The following OXR1 variants were observed in gnomAD, a reference collection of about 807,000 sequenced individuals.
OXR1 encodes the protein oxidation resistance protein 1.
Under a neutral mutation model 104.6 loss-of-function variants are expected in OXR1, and 41 were observed. The observed-to-expected ratio is 0.39, with a 90% confidence interval of 0.31 to 0.51. The LOEUF (loss-of-function observed/expected upper bound fraction) is 0.51, where lower values mean the gene tolerates loss of function less well. Among genes scored for constraint, OXR1 ranks in the 20% least tolerant of loss-of-function variants. The probability of loss-of-function intolerance (pLI) is 0.77; values close to 1 mark genes in which losing one functional copy is unlikely to be tolerated. For synonymous variants in OXR1, 348 were observed against 348.4 expected (o/e 1.00, Z 0.01); for missense variants, 955 against 1,031.9 (o/e 0.93, Z 1.02).
chr8:106,729,425 A>G (rs1296595195), intron 11 of OXR1, among the ~76,000 whole-genome samples: 1 of 152,086 alleles, frequency 6.6e-6, no homozygotes, highest in African/African-American at 2.4e-5. Flanking sequence ...TTTATTTCTC[A>G]TAAAATGTAA....
intron 3 of OXR1, among the ~76,000 whole-genome samples, chr8:106,538,788 A>C (rs1186981002): frequency 2.0e-5 from 3 of 152,252 alleles, no homozygotes; most frequent in Non-Finnish European, 4.4e-5. Flanking sequence ...CAGTAAAACA[A>C]AGTTAAAGTT....
intron 2 of OXR1, among the ~76,000 whole-genome samples, chr8:106,463,651 T>A (rs1484627433): frequency 6.6e-6 from 1 of 152,144 alleles, no homozygotes; most frequent in African/African-American, 2.4e-5. Flanking sequence ...TGTATCAGTC[T>A]GTCTTGATTC....
chr8:106,453,215 G>T (rs1431368754), intron 2 of OXR1, among the ~76,000 whole-genome samples: 1 of 152,088 alleles, frequency 6.6e-6, no homozygotes, highest in Non-Finnish European at 1.5e-5. Context: ...TAATCACATT[G>T]GTGTCATCAC....
intron 2 of OXR1, among the ~76,000 whole-genome samples, chr8:106,406,633 C>G (rs569576398): frequency 6.6e-6 from 1 of 152,124 alleles, no homozygotes; most frequent in Non-Finnish European, 1.5e-5. Context: ...CTACATGACA[C>G]TCTGGAGAAG....
intron 3 of OXR1, among the ~76,000 whole-genome samples, chr8:106,625,142 G>T (rs1822045605): frequency 6.6e-6 from 1 of 152,116 alleles, no homozygotes; most frequent in African/African-American, 2.4e-5. Flanking sequence ...GATACCAAAA[G>T]GTTACATGAA....
At chr8:106,718,776 G>T (rs995386653) in intron 11 of OXR1, among the ~76,000 whole-genome samples, 3 of 150,812 alleles carry the variant, frequency 2.0e-5, no homozygotes, top group Non-Finnish European at 4.4e-5. Context: ...GAGGTGGAGC[G>T]TGCAGTGAGC....
intron 1 of OXR1, among the ~76,000 whole-genome samples, chr8:106,295,810 A>G (rs993133992): frequency 5.9e-5 from 9 of 152,218 alleles, no homozygotes; most frequent in African/African-American, 2.2e-4. Flanking sequence ...AAGATGAATT[A>G]CACATGAATC....
intron 2 of OXR1, among the ~76,000 whole-genome samples, chr8:106,381,018 C>T (rs539175441): frequency 6.6e-6 from 1 of 152,244 alleles, no homozygotes; most frequent in South Asian, 2.1e-4. Context: ...GACAATTCAA[C>T]ACCAAATCTA....
intron 1 of OXR1, among the ~76,000 whole-genome samples, chr8:106,301,093 C>T (rs1813219412): frequency 6.6e-6 from 1 of 152,076 alleles, no homozygotes; most frequent in Admixed American, 6.5e-5. Flanking sequence ...GGCTATAAAC[C>T]AGCATTTTTG....
At chr8:106,720,915 T>C (rs538673276) in intron 11 of OXR1, among the ~76,000 whole-genome samples, 1 of 152,346 alleles carries the variant, frequency 6.6e-6, no homozygotes, top group East Asian at 1.9e-4. Context: ...ATAATTTATT[T>C]GTTGTAATAT....
At chr8:106,599,497 T>A (rs1586875210) in intron 3 of OXR1, among the ~76,000 whole-genome samples, 1 of 152,336 alleles carries the variant, frequency 6.6e-6, no homozygotes, top group African/African-American at 2.4e-5. Flanking sequence ...TTTCTTTTGA[T>A]CCACATGTGT....
chr8:106,443,444 T>C (rs1454586304), intron 2 of OXR1, among the ~76,000 whole-genome samples: 1 of 152,162 alleles, frequency 6.6e-6, no homozygotes, highest in Non-Finnish European at 1.5e-5. Context: ...CAGAGCTGAA[T>C]TCAAGTTCTG....
intron 2 of OXR1, among the ~76,000 whole-genome samples, chr8:106,374,507 A>T (rs1816833615): frequency 2.0e-5 from 3 of 152,140 alleles, no homozygotes; most frequent in African/African-American, 7.2e-5. Flanking sequence ...GAGCCTTTGA[A>T]TGTGTTTTAA....
At chr8:106,534,360 A>C (rs185303962) in intron 3 of OXR1, among the ~76,000 whole-genome samples, 233 of 152,360 alleles carry the variant, frequency 1.5e-3, no homozygotes, top group African/African-American at 5.2e-3. Flanking sequence ...TTCCCAGAAC[A>C]AACTACCCAG....
At chr8:106,418,442 AAC>A (rs1393328432) in intron 2 of OXR1, among the ~76,000 whole-genome samples, 1 of 152,082 alleles carries the variant, frequency 6.6e-6, no homozygotes, top group East Asian at 1.9e-4. Flanking sequence ...ACTCAGAGAT[AAC>A]CACTGTCAAC....
At chr8:106,429,659 CAAA>C (rs55954304) in intron 2 of OXR1, among the ~76,000 whole-genome samples, 39 of 94,006 alleles carry the variant, frequency 4.1e-4, no homozygotes, top group African/African-American at 1.0e-3. Flanking sequence ...GACTCTGTCT[CAAA>C]AAAAAAAAAA....
chr8:106,304,076 T>C (rs1001219472), intron 1 of OXR1, among the ~76,000 whole-genome samples: 1 of 152,188 alleles, frequency 6.6e-6, no homozygotes, highest in African/African-American at 2.4e-5. Context: ...ACTAAATGTG[T>C]GTTTTATATC....
At chr8:106,612,782 T>C (rs1820912066) in intron 3 of OXR1, among the ~76,000 whole-genome samples, 1 of 152,146 alleles carries the variant, frequency 6.6e-6, no homozygotes. Context: ...CTATTCTAAG[T>C]ATCTTACATG....
At chr8:106,727,193 C>G (rs1164165663) in intron 11 of OXR1, among the ~76,000 whole-genome samples, 1 of 150,894 alleles carries the variant, frequency 6.6e-6, no homozygotes, top group Non-Finnish European at 1.5e-5. Flanking sequence ...CAGTTAACAC[C>G]GTTGTTTTTT....
Sources: allele counts gnomAD v4.1 joint callset (sites outside exome capture counted in the v4.1 genomes callset), GRCh38; gene constraint gnomAD v4.1.1; transcripts MANE v1.5; gene names NCBI Gene and HGNC (gene_info 2026-07-23, HGNC 2026-07-21).